Variants in GNB1 observed in about 807,000 individuals in gnomAD.
The protein encoded by GNB1 is guanine nucleotide-binding protein G(I)/G(S)/G(T) subunit beta-1.
A neutral mutation model predicts 42.9 loss-of-function variants in GNB1; 2 were observed. The observed-to-expected ratio is 0.05, with a 90% CI of 0.02 to 0.15. GNB1 has a LOEUF of 0.15. Ranked by LOEUF, GNB1 falls within the 10% of genes least tolerant of loss-of-function variation. The pLI is 1.00. For missense variants in GNB1, 193 were observed against 462.2 expected (o/e 0.42, Z 5.34); for synonymous variants, 183 against 174.7 (o/e 1.05, Z -0.38).
intron 1 of GNB1, among the ~76,000 whole-genome samples, chr1:1,854,886 C>A (rs987947731): frequency 2.0e-5 from 3 of 152,032 alleles, no homozygotes; most frequent in Admixed American, 2.0e-4. Flanking sequence ...TACATCCGGG[C>A]GTGGTGGCTC....
At chr1:1,847,106 A>G (rs1253309141) in intron 1 of GNB1, among the ~76,000 whole-genome samples, 1 of 152,190 alleles carries the variant, frequency 6.6e-6, no homozygotes, top group Non-Finnish European at 1.5e-5. Context: ...GACACTTATT[A>G]GTAAGGAAGA....
At chr1:1,869,694 A>G (rs1259084232) in intron 1 of GNB1, among the ~76,000 whole-genome samples, 2 of 152,164 alleles carry the variant, frequency 1.3e-5, no homozygotes, top group Non-Finnish European at 2.9e-5. Context: ...AACTACCCTC[A>G]AACTGCCCTC....
At chr1:1,852,764 C>T (rs111519350) in intron 1 of GNB1, among the ~76,000 whole-genome samples, 10 of 152,090 alleles carry the variant, frequency 6.6e-5, no homozygotes, top group African/African-American at 2.2e-4. Context: ...GTGCAACTTA[C>T]GGGCCTACCC....
At chr1:1,857,266 G>A (rs776219152) in intron 1 of GNB1, among the ~76,000 whole-genome samples, 9 of 152,108 alleles carry the variant, frequency 5.9e-5, no homozygotes, top group Non-Finnish European at 1.2e-4. Context: ...ACGAGAAAGT[G>A]GAAAGAGGAA....
chr1:1,807,178 A>G (rs1211217788), intron 5 of GNB1, among the ~76,000 whole-genome samples: 1 of 151,996 alleles, frequency 6.6e-6, no homozygotes, highest in Admixed American at 6.6e-5. Flanking sequence ...TGGTTTCATT[A>G]CAAATCAAAT....
intron 7 of GNB1, among the ~76,000 whole-genome samples, chr1:1,802,165 A>G (rs1646634910): frequency 6.6e-6 from 1 of 152,222 alleles, no homozygotes; most frequent in Non-Finnish European, 1.5e-5. Context: ...AGAATATTTG[A>G]ACATGCCAAA....
intron 1 of GNB1, among the ~76,000 whole-genome samples, chr1:1,890,058 G>T (rs953195365): frequency 6.6e-6 from 1 of 152,160 alleles, no homozygotes; most frequent in African/African-American, 2.4e-5. Context: ...ATCTTGGCGC[G>T]GCCACCGGGC....
chr1:1,801,705 CAAAG>C (rs1646629067), intron 7 of GNB1, among the ~76,000 whole-genome samples: 1 of 151,904 alleles, frequency 6.6e-6, no homozygotes, highest in South Asian at 2.1e-4. Context: ...TCAAGTAACT[CAAAG>C]GAAGGTAGGA....
chr1:1,814,401 A>C (rs1297053148), intron 5 of GNB1, among the ~76,000 whole-genome samples: 1 of 152,204 alleles, frequency 6.6e-6, no homozygotes, highest in Non-Finnish European at 1.5e-5. Context: ...AATTATTTAG[A>C]TAGAACAGGC....
At chr1:1,866,479 G>C (rs923115527) in intron 1 of GNB1, among the ~76,000 whole-genome samples, 1 of 152,134 alleles carries the variant, frequency 6.6e-6, no homozygotes, top group Non-Finnish European at 1.5e-5. Flanking sequence ...CAACTGCACA[G>C]TATGCCATTC....
chr1:1,824,793 C>T (rs879087314), intron 3 of GNB1, among the ~76,000 whole-genome samples: 7 of 151,956 alleles, frequency 4.6e-5, no homozygotes, highest in South Asian at 2.1e-4. Context: ...TGGCTGGTCT[C>T]GAACTCCCGA....
rs1257487159 is a variant in GNB1 at position 1,851,394 on chromosome 1, G to A, written c.-95-12156C>T. 2.2e-5 allele frequency among the ~76,000 whole-genome samples: 3 copies of A among 137,736 alleles called. No individual in the cohort carries two copies. In the East Asian group the frequency reaches 6.4e-4, roughly 29 times the overall value. The allele number at this position is 137,736 out of a possible 152,430, so 90.4% of individuals were successfully genotyped here. A position where few individuals can be genotyped will look rare whatever the true frequency, so the allele number is the denominator to read the frequency against. The stretch of plus-strand genomic sequence containing the variant: ...CATTGCACTCCAGCCTGGGCAACAA[G>A]AGTAAAACTCCATCTCAAAGAAAAA... On this transcript the variant is annotated intron_variant, in intron 1 of 11. Transcript: ENST00000378609.
At chr1:1,847,709 A>G (rs969660187) in intron 1 of GNB1, among the ~76,000 whole-genome samples, 1 of 152,102 alleles carries the variant, frequency 6.6e-6, no homozygotes, top group African/African-American at 2.4e-5. Context: ...CGACGTCCAG[A>G]TGCTGCGCCT....
At chr1:1,806,607 T>TAA in intron 5 of GNB1, 69 bp from the exon 6 acceptor site, 1 of 1,019,542 alleles carries the variant, frequency 9.8e-7, no homozygotes, top group Admixed American at 1.9e-5. Context: ...AGCAACAGAC[T>TAA]AAAACCCAGA....
Position 1,813,225 on chromosome 1 carries a change from G to A in GNB1, c.203+2531C>T, listed in dbSNP as rs912657642. 5.3e-5 allele frequency among the ~76,000 whole-genome samples: 8 copies of A among 150,242 alleles called. 1 individual carries two copies. Among genetic ancestry groups the A allele is most frequent in the East Asian group, 3.9e-4 (2 of 5,110 alleles). ...AATTTCGGCTCACAGTAACCTCCAC[G>A]TGCCTCAGCCTTCCAAGTAGCTGGG... On this transcript the variant is annotated intron_variant, in intron 5 of 11. Transcript: ENST00000378609.
intron 1 of GNB1, among the ~76,000 whole-genome samples, chr1:1,855,013 G>C (rs1570719460): frequency 6.6e-6 from 1 of 152,214 alleles, no homozygotes; most frequent in Middle Eastern, 3.4e-3. Flanking sequence ...ACAAAAATTA[G>C]CCAGGCGCAG....
intron 1 of GNB1, among the ~76,000 whole-genome samples, chr1:1,876,778 T>C (rs896648357): frequency 1.3e-5 from 2 of 152,142 alleles, no homozygotes; most frequent in Non-Finnish European, 2.9e-5. Context: ...ATTTTATTTG[T>C]AGCATGTCAT....
chr1:1,836,387 C>CTTTTTTTTT (rs34812880), intron 2 of GNB1, among the ~76,000 whole-genome samples: 1 of 85,150 alleles, frequency 1.2e-5, no homozygotes. Context: ...CTTAATATTG[C>CTTTTTTTTT]TTTTTTTTTT....
chr1:1,837,540 C>T (rs906889822), intron 2 of GNB1, among the ~76,000 whole-genome samples: 8 of 150,822 alleles, frequency 5.3e-5, no homozygotes, highest in Non-Finnish European at 7.4e-5. Context: ...AGGCGTGAGC[C>T]ACCATGCCTG....
Sources: allele counts gnomAD v4.1 joint callset (sites outside exome capture counted in the v4.1 genomes callset), GRCh38; gene constraint gnomAD v4.1.1; transcripts MANE v1.5; gene names NCBI Gene and HGNC (gene_info 2026-07-23, HGNC 2026-07-21).